Variants in OCA2 observed in about 807,000 individuals in gnomAD.
OCA2 encodes the protein OCA2 melanosomal transmembrane protein, also known as P protein.
A neutral mutation model predicts 100.2 loss-of-function variants in OCA2; 77 were observed. That is an observed-to-expected ratio of 0.77 (90% CI 0.64 to 0.93). OCA2 has a LOEUF of 0.93. Ranked by LOEUF, OCA2 falls within the 40% of genes least tolerant of loss-of-function variation. The probability of loss-of-function intolerance (pLI) is 0.00; values close to 1 mark genes in which losing one functional copy is unlikely to be tolerated. For missense variants in OCA2, 1,062 were observed against 1,089.1 expected (o/e 0.98, Z 0.35); for synonymous variants, 432 against 439.2 (o/e 0.98, Z 0.21).
chr15:27,811,682 G>A (rs2034084189), intron 23 of OCA2, among the ~76,000 whole-genome samples: 1 of 152,206 alleles, frequency 6.6e-6, no homozygotes, highest in South Asian at 2.1e-4. Flanking sequence ...TAGGGACACA[G>A]GGCCGTGGCG....
intron 2 of OCA2, among the ~76,000 whole-genome samples, chr15:28,063,296 G>C (rs541694765): frequency 2.3e-4 from 35 of 152,124 alleles, no homozygotes; most frequent in African/African-American, 7.9e-4. Context: ...CCTATTTGGG[G>C]TTTTGATTCT....
intron 3 of OCA2, among the ~76,000 whole-genome samples, chr15:28,028,281 A>G (rs2042815078): frequency 6.6e-6 from 1 of 152,236 alleles, no homozygotes; most frequent in South Asian, 2.1e-4. Flanking sequence ...AAAGTCTTCA[A>G]AATGAATTGT....
At chr15:27,724,172 G>A in the OCA2 span, among the ~76,000 whole-genome samples, 1 of 152,172 alleles carries the variant, frequency 6.6e-6, no homozygotes, top group East Asian at 1.9e-4. Flanking sequence ...GTCTGCCAGG[G>A]CTGCTGTAAC....
chr15:27,922,844 T>G (rs932418472), intron 19 of OCA2, among the ~76,000 whole-genome samples: 1 of 152,110 alleles, frequency 6.6e-6, no homozygotes, highest in Non-Finnish European at 1.5e-5. Flanking sequence ...CAGGGGTACA[T>G]GTGCAGGTTT....
chr15:28,027,482 G>A (rs1301820742), intron 4 of OCA2, among the ~76,000 whole-genome samples: 2 of 152,196 alleles, frequency 1.3e-5, no homozygotes, highest in Non-Finnish European at 2.9e-5. Flanking sequence ...CACCCCTCAG[G>A]CTGTGCGCTG....
At position 27,986,597 on chromosome 15, in the gene OCA2, C is replaced by T. The variant is rs1219194521; in HGVS notation, c.1229G>A (p.Cys410Tyr). The T allele has an allele frequency of 1.3e-6, 2 of 1,585,062 alleles. No homozygotes were observed. Among genetic ancestry groups the T allele is most frequent in the South Asian group, 1.1e-5 (1 of 90,590 alleles). The change falls in exon 12 of 24, where the codon TGT becomes TAT. Residue 410 changes from cysteine (C) to tyrosine (Y), a missense_variant. Coordinates refer to ENST00000354638, the MANE Select transcript of OCA2 (RefSeq NM_000275.3). ...IFSETGFFDY[C>Y]AVKAYRLSRG... ...CAACATCATACCTACCTTTACAGCA[C>T]AATAATCGAAAAATCCCGTTTCTGA...
intron 21 of OCA2, 32 bp from the exon 22 acceptor site, chr15:27,851,507 C>G: frequency 6.4e-7 from 1 of 1,559,418 alleles, no homozygotes. Flanking sequence ...ATGCCACGTC[C>G]CATGGACGCT....
chr15:27,850,584 CT>C (rs929782359), intron 22 of OCA2, among the ~76,000 whole-genome samples: 5 of 152,158 alleles, frequency 3.3e-5, no homozygotes, highest in African/African-American at 1.2e-4. Flanking sequence ...AATTAGCTGG[CT>C]GCTGACATTA....
chr15:28,081,273 C>G (rs2044612534), intron 2 of OCA2, among the ~76,000 whole-genome samples: 1 of 152,124 alleles, frequency 6.6e-6, no homozygotes, highest in Non-Finnish European at 1.5e-5. Flanking sequence ...TATGTAAATT[C>G]TGACTTTTCT....
intron 2 of OCA2, among the ~76,000 whole-genome samples, chr15:28,049,651 A>G: frequency 6.6e-6 from 1 of 152,256 alleles, no homozygotes; most frequent in East Asian, 1.9e-4. Context: ...AAATTCTGAC[A>G]CATGCCGAAT....
chr15:27,957,874 G>GCTTCTCAGCA lies in OCA2; in HGVS notation c.1637-149_1637-140dup. 1.1e-6 allele frequency: 1 copy of GCTTCTCAGCA among 937,544 alleles called. No homozygotes were observed. Among genetic ancestry groups the GCTTCTCAGCA allele is most frequent in the East Asian group, 2.6e-5 (1 of 38,694 alleles). The allele number at this position is 937,544 out of a possible 1,614,324, so 58.1% of individuals were successfully genotyped here. ...TGCAGGTAGCCCAGGGTCACCCAGA[G>GCTTCTCAGCA]CTTCTCAGCACCTGAGCTATTGCAA... On this transcript the variant is annotated intron_variant, in intron 15 of 23. Coordinates refer to ENST00000354638, the MANE Select transcript of OCA2 (RefSeq NM_000275.3). This position sits in a 1 kb window ranked among gnomAD's most constrained non-coding sequence, Gnocchi z 4.3.
intron 23 of OCA2, among the ~76,000 whole-genome samples, chr15:27,804,213 T>C (rs2033731239): frequency 6.6e-6 from 1 of 152,130 alleles, no homozygotes; most frequent in African/African-American, 2.4e-5. Flanking sequence ...CAAGTACAAT[T>C]TTCACCCAGG....
intron 16 of OCA2, among the ~76,000 whole-genome samples, chr15:27,956,569 C>T (rs965874042): frequency 2.0e-5 from 3 of 152,138 alleles, no homozygotes; most frequent in African/African-American, 7.2e-5. Flanking sequence ...CTTTAACACC[C>T]AACACCAGCA....
intron 9 of OCA2, among the ~76,000 whole-genome samples, chr15:27,996,999 A>G (rs939192825): frequency 1.4e-5 from 2 of 138,052 alleles, no homozygotes; most frequent in South Asian, 2.2e-4. Context: ...AAAAAAAAAG[A>G]AGAGAGAAAG....
intron 23 of OCA2, among the ~76,000 whole-genome samples, chr15:27,781,956 G>A (rs1420256168): frequency 6.6e-6 from 1 of 152,196 alleles, no homozygotes; most frequent in African/African-American, 2.4e-5. Context: ...CATCTACAGT[G>A]TTCCAGGCAC....
chr15:28,027,390 A>G (rs949566938), intron 4 of OCA2, among the ~76,000 whole-genome samples: 1 of 152,172 alleles, frequency 6.6e-6, no homozygotes, highest in African/African-American at 2.4e-5. Context: ...TTACACATTA[A>G]TGGTTTTCCA....
downstream of OCA2, among the ~76,000 whole-genome samples, chr15:27,750,360 G>C (rs1285104594): frequency 6.6e-6 from 1 of 152,146 alleles, no homozygotes; most frequent in African/African-American, 2.4e-5. Context: ...AAAATACAAG[G>C]CTTGAACGGG....
Position 27,843,621 on chromosome 15 carries a change from G to A in OCA2, c.2432+1338C>T, listed in dbSNP as rs1423914250. Among the ~76,000 whole-genome samples the A allele has an allele frequency of 2.6e-5, 4 of 152,130 alleles. No homozygotes were observed. The East Asian group carries it at 7.7e-4, about 29-fold the overall frequency. On this transcript the variant is annotated intron_variant, in intron 23 of 23. Coordinates refer to ENST00000354638, the MANE Select transcript of OCA2 (RefSeq NM_000275.3). Reference sequence around the variant, plus strand: ...AGCGATATGCCCAGAGTCCCACCGGGAGACGCACATTCAGCGTCCCCTGAG... The same window carrying A: ...AGCGATATGCCCAGAGTCCCACCGGAAGACGCACATTCAGCGTCCCCTGAG...
intron 19 of OCA2, among the ~76,000 whole-genome samples, chr15:27,903,230 C>T (rs866837271): frequency 1.3e-5 from 2 of 152,200 alleles, no homozygotes; most frequent in Non-Finnish European, 2.9e-5. Context: ...TAAGTCCCGA[C>T]GGTCTGTCCT....
Sources: allele counts gnomAD v4.1 joint callset (sites outside exome capture counted in the v4.1 genomes callset), GRCh38; gene constraint gnomAD v4.1.1; non-coding constraint Gnocchi (gnomAD v3.1); transcripts MANE v1.5; gene names NCBI Gene and HGNC (gene_info 2026-07-23, HGNC 2026-07-21).